PDE10A: variants seen among roughly 807,000 people sequenced by gnomAD.
PDE10A encodes the protein cAMP and cAMP-inhibited cGMP 3',5'-cyclic phosphodiesterase 10A.
PDE10A carries 39 observed loss-of-function variants against 97.7 expected under a neutral mutation model. The observed-to-expected ratio is 0.40, with a 90% CI of 0.31 to 0.52. PDE10A has a LOEUF of 0.52. PDE10A is among the 20% of genes least tolerant of loss of function. The pLI, the probability that PDE10A is intolerant of heterozygous loss-of-function variation, is 0.56. For missense variants in PDE10A, 731 were observed against 1,047.8 expected, an observed-to-expected ratio of 0.70 and a Z score of 4.17; for synonymous variants, 371 against 376.8, an observed-to-expected ratio of 0.98 and a Z score of 0.18.
At chr6:165,830,464 C>A (rs1375509728) in intron 1 of PDE10A, among the ~76,000 whole-genome samples, 1 of 152,208 alleles carries the variant, frequency 6.6e-6, no homozygotes, top group Non-Finnish European at 1.5e-5. Context: ...CCAGCCTCTG[C>A]CTCCATATGA....
chr6:165,580,535 T>C (rs1785553563), intron 1 of PDE10A, among the ~76,000 whole-genome samples: 1 of 152,222 alleles, frequency 6.6e-6, no homozygotes, highest in Admixed American at 6.5e-5. Context: ...GTGAGGACAA[T>C]TAGTTTTAAG....
chr6:165,400,647 T>C (rs1786581316), intron 13 of PDE10A, among the ~76,000 whole-genome samples: 2 of 152,172 alleles, frequency 1.3e-5, no homozygotes, highest in African/African-American at 4.8e-5. Context: ...GGTAAACAGT[T>C]TGGCAGTCTC....
At chr6:165,614,302 G>A (rs1259361152) in intron 1 of PDE10A, among the ~76,000 whole-genome samples, 1 of 151,984 alleles carries the variant, frequency 6.6e-6, no homozygotes, top group Non-Finnish European at 1.5e-5. Flanking sequence ...ACCATTTTTG[G>A]ATAAAGTCAA....
At chr6:165,616,767 G>T (rs942877745) in intron 1 of PDE10A, among the ~76,000 whole-genome samples, 3 of 152,130 alleles carry the variant, frequency 2.0e-5, no homozygotes, top group Non-Finnish European at 4.4e-5. Context: ...TACTCAAATA[G>T]ATGAAAATTA....
intron 10 of PDE10A, among the ~76,000 whole-genome samples, chr6:165,423,466 G>A (rs1036991683): frequency 1.5e-4 from 23 of 152,128 alleles, no homozygotes; most frequent in African/African-American, 4.6e-4. Flanking sequence ...GCAGGTCTGC[G>A]GTGCCCAGGA....
At chr6:165,764,112 T>A (rs998648508) in intron 1 of PDE10A, among the ~76,000 whole-genome samples, 3 of 152,204 alleles carry the variant, frequency 2.0e-5, no homozygotes, top group Non-Finnish European at 4.4e-5. Flanking sequence ...AATCCCAAGC[T>A]CCACTCCTGG....
intron 1 of PDE10A, among the ~76,000 whole-genome samples, chr6:165,842,775 A>C (rs569863219): frequency 6.1e-4 from 93 of 152,352 alleles, no homozygotes; most frequent in Middle Eastern, 6.8e-3. Context: ...TAGTGGTGGA[A>C]GAGGCAAGAG....
At chr6:165,734,130 C>T (rs1792506218) in intron 1 of PDE10A, among the ~76,000 whole-genome samples, 1 of 152,162 alleles carries the variant, frequency 6.6e-6, no homozygotes, top group African/African-American at 2.4e-5. Context: ...TGCAAAGGAC[C>T]ATCTCTCCTC....
At chr6:165,612,628 C>A (rs1461522131) in intron 1 of PDE10A, among the ~76,000 whole-genome samples, 3 of 152,298 alleles carry the variant, frequency 2.0e-5, no homozygotes, top group Non-Finnish European at 2.9e-5. Flanking sequence ...CTTTGCCTCC[C>A]AAAGTGCTGG....
chr6:165,416,403 C>G (rs907544395), intron 11 of PDE10A, 122 bp from the exon 12 acceptor site: 1 of 694,024 alleles, frequency 1.4e-6, no homozygotes, highest in African/African-American at 1.8e-5. Context: ...GCGTGTATTA[C>G]TTTTACGTTT....
At chr6:165,848,863 G>A (rs111939591) in intron 1 of PDE10A, among the ~76,000 whole-genome samples, 39 of 152,332 alleles carry the variant, frequency 2.6e-4, no homozygotes, top group African/African-American at 9.1e-4. Flanking sequence ...ATGAGGGCAA[G>A]GTGGGGCAGG....
chr6:165,693,269 G>A lies in PDE10A; in HGVS notation c.-614-149701C>T, dbSNP rs148274162. ...ACTGAGGCCGGGCACGGTGGCTCAC[G>A]CCTGTAATCCCAGCACTTTGGGAGG... On this transcript the variant is annotated intron_variant, in intron 1 of 19. Coordinates refer to the PDE10A transcript ENST00000366882. 5.9e-3 allele frequency among the ~76,000 whole-genome samples: 892 copies of A among 152,210 alleles called. 7 individuals carry two copies. The highest frequency in any genetic ancestry group is 0.02 in the African/African-American group (850 of 41,542).
chr6:165,761,796 A>C (rs774446139), intron 1 of PDE10A, among the ~76,000 whole-genome samples: 3 of 152,100 alleles, frequency 2.0e-5, no homozygotes, highest in Non-Finnish European at 4.4e-5. Flanking sequence ...ATGATGTAAA[A>C]TAATAATATT....
At chr6:165,412,085 CAT>C (rs1491423998) in intron 13 of PDE10A, among the ~76,000 whole-genome samples, 1 of 151,696 alleles carries the variant, frequency 6.6e-6, no homozygotes, top group African/African-American at 2.4e-5. Flanking sequence ...GACTTGATCA[CAT>C]ATGTGATAAT....
At chr6:165,903,190 C>T (rs766567172) in intron 1 of PDE10A, among the ~76,000 whole-genome samples, 7 of 151,996 alleles carry the variant, frequency 4.6e-5, no homozygotes, top group South Asian at 2.1e-4. Flanking sequence ...TGTAAGGGTT[C>T]GAATTTTTAT....
chr6:165,841,769 A>C (rs1025555831), intron 1 of PDE10A, among the ~76,000 whole-genome samples: 4 of 152,242 alleles, frequency 2.6e-5, no homozygotes, highest in Non-Finnish European at 2.9e-5. Context: ...GGAAGAGGAC[A>C]GCTCTGGAAT....
At chr6:165,488,187 G>T (rs1780028612) in intron 2 of PDE10A, among the ~76,000 whole-genome samples, 1 of 152,012 alleles carries the variant, frequency 6.6e-6, no homozygotes, top group Non-Finnish European at 1.5e-5. Flanking sequence ...CATACCAGTG[G>T]GATGAATAAA....
intron 3 of PDE10A, among the ~76,000 whole-genome samples, chr6:165,477,428 A>G (rs1779356825): frequency 6.6e-6 from 1 of 152,112 alleles, no homozygotes; most frequent in African/African-American, 2.4e-5. Flanking sequence ...TGACTCTACC[A>G]CACACTATGT....
intron 20 of PDE10A, among the ~76,000 whole-genome samples, chr6:165,337,372 A>C (rs1031631986): frequency 6.6e-6 from 1 of 152,216 alleles, no homozygotes; most frequent in African/African-American, 2.4e-5. Context: ...ACTGAACTTC[A>C]GTGATATGCA....
Sources: allele counts gnomAD v4.1 joint callset (sites outside exome capture counted in the v4.1 genomes callset), GRCh38; gene constraint gnomAD v4.1.1; transcripts MANE v1.5; gene names NCBI Gene and HGNC (gene_info 2026-07-23, HGNC 2026-07-21).